Variants in GPHN observed in about 807,000 individuals in gnomAD.
The protein encoded by GPHN is gephyrin.
A neutral mutation model predicts 95.5 loss-of-function variants in GPHN; 17 were observed. That is an observed-to-expected ratio of 0.18 (90% confidence interval 0.12 to 0.27). The LOEUF is 0.27. GPHN is among the 10% of genes least tolerant of loss of function. GPHN has a pLI of 1.00. For missense variants in GPHN, 660 were observed against 978.1 expected (o/e 0.67, Z 4.34); for synonymous variants, 320 against 322.5 (o/e 0.99, Z 0.08).
At chr14:67,144,599 T>C (rs570612479) in intron 18 of GPHN, among the ~76,000 whole-genome samples, 13 of 152,252 alleles carry the variant, frequency 8.5e-5, no homozygotes, top group East Asian at 3.9e-4. Flanking sequence ...AATACTGTCA[T>C]AGCAATTTTT....
intron 17 of GPHN, among the ~76,000 whole-genome samples, chr14:67,136,427 C>T (rs957372042): frequency 6.6e-6 from 1 of 152,154 alleles, no homozygotes; most frequent in Admixed American, 6.5e-5. Flanking sequence ...TGGACTTTCC[C>T]AGCCTTTAAA....
intron 4 of GPHN, among the ~76,000 whole-genome samples, chr14:66,869,445 A>T (rs1009836997): frequency 1.2e-4 from 19 of 152,296 alleles, no homozygotes; most frequent in Middle Eastern, 6.8e-3. Flanking sequence ...TATAGTTTAC[A>T]GGTCTTTGTA....
chr14:66,927,854 A>G (rs1012126029), intron 8 of GPHN, among the ~76,000 whole-genome samples: 1 of 152,180 alleles, frequency 6.6e-6, no homozygotes, highest in Admixed American at 6.5e-5. Context: ...TGATTTGCCT[A>G]TGTTGAACCA....
rs776042691 is a variant in GPHN, at chr14:66,851,093, A to G, written c.294+26527A>G. 3.3e-5 allele frequency among the ~76,000 whole-genome samples: 5 copies of G among 152,070 alleles called. 1 individual carries two copies. Among genetic ancestry groups the G allele is most frequent in the Admixed American group, 1.3e-4 (2 of 15,258 alleles). Reference sequence around the variant, plus strand: ...GTTTTGGGAAACTTTCAAAGAAGTGACAAGTGATACTGGCACTGTTTTTGT... The same window carrying G: ...GTTTTGGGAAACTTTCAAAGAAGTGGCAAGTGATACTGGCACTGTTTTTGT... On this transcript the variant is annotated intron_variant, in intron 4 of 22. Transcript: ENST00000478722.
chr14:67,416,454 A>T, the GPHN span, among the ~76,000 whole-genome samples: 1 of 152,216 alleles, frequency 6.6e-6, no homozygotes, highest in Non-Finnish European at 1.5e-5. Context: ...GGCAGCCAGG[A>T]GAGCACCCTG....
intron 8 of GPHN, among the ~76,000 whole-genome samples, chr14:66,929,705 T>C (rs1342970425): frequency 2.0e-5 from 3 of 149,816 alleles, no homozygotes; most frequent in Non-Finnish European, 3.0e-5. Flanking sequence ...TGTGTGTGCT[T>C]TTTTTTTTTC....
At chr14:67,187,835 A>G in the GPHN span, among the ~76,000 whole-genome samples, 2 of 152,230 alleles carry the variant, frequency 1.3e-5, no homozygotes, top group Admixed American at 1.3e-4. Context: ...AAATCCTCCA[A>G]TTGGACTAAG....
the GPHN span, among the ~76,000 whole-genome samples, chr14:67,697,580 G>T: frequency 6.6e-6 from 1 of 152,146 alleles, no homozygotes; most frequent in Non-Finnish European, 1.5e-5. Context: ...ACTCTAAGAG[G>T]TAGGTACTAT....
intron 1 of GPHN, among the ~76,000 whole-genome samples, chr14:66,588,667 T>C (rs569742303): frequency 2.0e-5 from 3 of 151,988 alleles, no homozygotes. Flanking sequence ...TGAAATAAAG[T>C]GTGAAGACAA....
chr14:66,803,463 G>T (rs972589046), intron 3 of GPHN, among the ~76,000 whole-genome samples: 6 of 152,106 alleles, frequency 3.9e-5, no homozygotes, highest in African/African-American at 1.4e-4. Flanking sequence ...ACTTGCAGGG[G>T]GTGGCGGAGG....
At chr14:67,229,466 AT>A in the GPHN span, among the ~76,000 whole-genome samples, 1 of 152,176 alleles carries the variant, frequency 6.6e-6, no homozygotes, top group African/African-American at 2.4e-5. Context: ...GAGAAGCTGA[AT>A]TTTAGATTAT....
In GPHN at chr14:67,181,787, T is replaced by C. The variant is rs2083327140; in HGVS notation, c.*850T>C. ...AAACTTAATGAATAAAAAAATTCCT[T>C]GATCATTATTTAAAAATGTAATGTG... On this transcript the variant is annotated 3_prime_UTR_variant, in exon 23 of 23. Coordinates refer to ENST00000478722, the MANE Select transcript of GPHN (RefSeq NM_020806.5). 1 of 185,312 alleles carries C rather than the reference T, an allele frequency of 5.4e-6. No homozygotes were observed. The highest frequency in any genetic ancestry group is 6.2e-5 in the Admixed American group (1 of 16,004). 11.5% of individuals were successfully genotyped at this position (185,312 alleles called of 1,614,324 possible).
chr14:66,880,181 A>T, intron 5 of GPHN, 148 bp downstream of exon 5: 1 of 671,982 alleles, frequency 1.5e-6, no homozygotes, highest in Non-Finnish European at 2.7e-6. Flanking sequence ...CTTAATAAAT[A>T]TTACCTACTA....
chr14:66,654,712 A>G (rs563066303), intron 1 of GPHN, among the ~76,000 whole-genome samples: 51 of 152,290 alleles, frequency 3.3e-4, no homozygotes, highest in African/African-American at 1.2e-3. Flanking sequence ...TGTGTCAAGT[A>G]TAAAAATTCC....
chr14:66,943,091 A>C (rs1170926241), intron 8 of GPHN, among the ~76,000 whole-genome samples: 1 of 152,218 alleles, frequency 6.6e-6, no homozygotes, highest in Non-Finnish European at 1.5e-5. Flanking sequence ...GAATTTAGTC[A>C]ATATGTTTAC....
At chr14:67,081,367 T>C (rs1037927857) in intron 11 of GPHN, among the ~76,000 whole-genome samples, 1 of 152,174 alleles carries the variant, frequency 6.6e-6, no homozygotes, top group African/African-American at 2.4e-5. Context: ...ATTGGCGATT[T>C]TTTTTATATA....
chr14:66,990,772 A>G (rs1372399783), intron 9 of GPHN, among the ~76,000 whole-genome samples: 2 of 151,934 alleles, frequency 1.3e-5, no homozygotes, highest in Admixed American at 1.3e-4. Flanking sequence ...ATTCAATTAA[A>G]TATTTTATTT....
the GPHN span, among the ~76,000 whole-genome samples, chr14:67,566,316 T>C: frequency 6.6e-6 from 1 of 152,194 alleles, no homozygotes; most frequent in East Asian, 1.9e-4. Flanking sequence ...GCTGGCTCTC[T>C]TCTTGCTCTG....
At chr14:67,372,806 G>A in the GPHN span, among the ~76,000 whole-genome samples, 10 of 148,596 alleles carry the variant, frequency 6.7e-5, no homozygotes, top group East Asian at 1.6e-3. Context: ...CCAGCCTGGC[G>A]ACAGAGCAAG....
Sources: allele counts gnomAD v4.1 joint callset (sites outside exome capture counted in the v4.1 genomes callset), GRCh38; gene constraint gnomAD v4.1.1; transcripts MANE v1.5; gene names NCBI Gene and HGNC (gene_info 2026-07-23, HGNC 2026-07-21).